Variants in RBM4 observed in about 807,000 individuals in gnomAD.
RBM4 encodes the protein RNA-binding protein 4.
A neutral mutation model predicts 29.5 loss-of-function variants in RBM4; 7 were observed. The observed-to-expected ratio is 0.24, with a 90% CI of 0.14 to 0.45. The LOEUF is 0.45. Ranked by LOEUF, RBM4 falls within the 20% of genes least tolerant of loss-of-function variation. The probability of loss-of-function intolerance (pLI) is 1.00; values close to 1 mark genes in which losing one functional copy is unlikely to be tolerated. For synonymous variants in RBM4, 220 were observed against 205.4 expected (o/e 1.07, Z -0.61); for missense variants, 387 against 502.3 (o/e 0.77, Z 2.19).
chr11:66,660,778 C>T (rs1237299954), intron 2 of RBM4, among the ~76,000 whole-genome samples: 3 of 151,976 alleles, frequency 2.0e-5, no homozygotes, highest in South Asian at 2.1e-4. Context: ...CTCAGCCTCC[C>T]GAGTAGCTGG....
chr11:66,646,637 C>T (rs1175999807), downstream of RBM4, among the ~76,000 whole-genome samples: 1 of 152,116 alleles, frequency 6.6e-6, no homozygotes, highest in Admixed American at 6.6e-5. Context: ...GGAGGTTATA[C>T]AGAAGCCCAG....
At chr11:66,666,151 C>A in exon 3 of RBM4, 3 of 745,192 alleles carry the variant, frequency 4.0e-6, no homozygotes, top group Non-Finnish European at 6.0e-6. Flanking sequence ...CAGTAGTTCC[C>A]CTAATTGACC....
exon 3 of RBM4, chr11:66,666,065 T>G: frequency 6.5e-6 from 7 of 1,077,940 alleles, no homozygotes; most frequent in Non-Finnish European, 9.1e-6. Context: ...GGGTAGGATA[T>G]CAAGGAGCAG....
At chr11:66,651,091 C>T (rs1938818886), downstream of RBM4, among the ~76,000 whole-genome samples, 1 of 152,028 alleles carries the variant, frequency 6.6e-6, no homozygotes, top group South Asian at 2.1e-4. Flanking sequence ...GCTCCTTACC[C>T]TAGAGCTACA....
At chr11:66,665,564 C>G in intron 2 of RBM4, 2 of 1,534,944 alleles carry the variant, frequency 1.3e-6, no homozygotes, top group South Asian at 2.4e-5. Flanking sequence ...AGGGTTCAGT[C>G]CGCAATTATC....
intron 2 of RBM4, among the ~76,000 whole-genome samples, chr11:66,657,821 T>C (rs1028053240): frequency 2.7e-5 from 4 of 146,940 alleles, no homozygotes; most frequent in Non-Finnish European, 4.4e-5. Context: ...CCTCCCGGGC[T>C]CAAGCAATTC....
chr11:66,645,582 C>T (rs1444241240), intron 3 of RBM4, among the ~76,000 whole-genome samples: 1 of 152,076 alleles, frequency 6.6e-6, no homozygotes, highest in Non-Finnish European at 1.5e-5. Context: ...TCTATCTAGA[C>T]TTTGAATGAT....
intron 2 of RBM4, among the ~76,000 whole-genome samples, chr11:66,656,293 C>T (rs763908548): frequency 2.6e-5 from 4 of 152,112 alleles, no homozygotes; most frequent in Non-Finnish European, 4.4e-5. Context: ...CCTGCCACCA[C>T]GCCTGGCTAA....
intron 3 of RBM4, chr11:66,644,395 G>A: frequency 2.0e-6 from 1 of 503,198 alleles, no homozygotes; most frequent in Non-Finnish European, 3.4e-6. Flanking sequence ...GAAAAATAAA[G>A]AATGATGTGC....
At chr11:66,639,526 C>T in intron 1 of RBM4, 174 bp from the exon 2 acceptor site, 1 of 781,240 alleles carries the variant, frequency 1.3e-6, no homozygotes, top group Non-Finnish European at 2.0e-6. Context: ...TTCATGGCGG[C>T]TACTATAGCA....
In RBM4 at chr11:66,643,426, C is replaced by G. The variant is rs529540376; in HGVS notation, c.413-24C>G. Reference sequence around the variant, plus strand: ...GGCTATGACTAAGAGTGATAGCAACCCTTCTTGCGTCTGTTTCTTCAAGGC... The same window carrying G: ...GGCTATGACTAAGAGTGATAGCAACGCTTCTTGCGTCTGTTTCTTCAAGGC... On this transcript the variant is annotated intron_variant, in intron 2 of 3. Coordinates refer to ENST00000310092, the MANE Select transcript of RBM4 (RefSeq NM_002896.4). The surrounding 1 kb of genome is among the most constrained non-coding windows in gnomAD (Gnocchi z 6.1). The G allele has an allele frequency of 3.2e-6, 5 of 1,580,796 alleles. No individual in the cohort carries two copies. In the East Asian group the frequency reaches 1.1e-4, roughly 35 times the overall value.
chr11:66,667,696 AG>A (rs1939288334), exon 3 of RBM4: 1 of 150,582 alleles, frequency 6.6e-6, no homozygotes, highest in Non-Finnish European at 1.5e-5. Context: ...CCCAAGAAGT[AG>A]GTTTTTTTTT....
intron 2 of RBM4, among the ~76,000 whole-genome samples, chr11:66,659,515 G>A (rs1036244030): frequency 6.6e-5 from 10 of 151,796 alleles, no homozygotes; most frequent in Admixed American, 2.0e-4. Context: ...TACCGACCTC[G>A]GGTTCTGCCC....
At chr11:66,649,924 T>TC, downstream of RBM4, 1 of 558,822 alleles carries the variant, frequency 1.8e-6, no homozygotes, top group Non-Finnish European at 3.2e-6. Context: ...CTGATTTTTT[T>TC]CCCCCATAGC....
chr11:66,642,612 C>T (rs903906773), intron 2 of RBM4, among the ~76,000 whole-genome samples: 7 of 152,194 alleles, frequency 4.6e-5, no homozygotes, highest in Admixed American at 4.6e-4. Flanking sequence ...TTAAACTGAG[C>T]AGTTTGGTCC....
At chr11:66,660,351 C>CTTTT (rs56839505) in intron 2 of RBM4, among the ~76,000 whole-genome samples, 6 of 127,568 alleles carry the variant, frequency 4.7e-5, no homozygotes, top group South Asian at 2.5e-4. Context: ...GGGAGTCTCT[C>CTTTT]TTTTTTTTTT....
chr11:66,640,505 A>G (rs1938398712), intron 2 of RBM4: 1 of 406,682 alleles, frequency 2.5e-6, no homozygotes. Context: ...AGAATTCTGC[A>G]TTTTACGTGA....
chr11:66,656,010 G>A (rs965905116), intron 2 of RBM4, among the ~76,000 whole-genome samples: 2 of 151,076 alleles, frequency 1.3e-5, no homozygotes, highest in African/African-American at 2.4e-5. Flanking sequence ...TGCTTTTGTT[G>A]CCCAGGCTGG....
intron 2 of RBM4, among the ~76,000 whole-genome samples, chr11:66,642,095 T>C (rs1938492203): frequency 6.6e-6 from 1 of 152,242 alleles, no homozygotes; most frequent in African/African-American, 2.4e-5. Context: ...ATATCTACTC[T>C]CTTTTAATAA....
Sources: gnomAD v4.1 joint callset for allele counts (sites outside exome capture counted in the v4.1 genomes callset) on GRCh38, gnomAD v4.1.1 for gene constraint, Gnocchi (gnomAD v3.1) non-coding constraint, MANE v1.5 for transcripts, NCBI Gene and HGNC (gene_info 2026-07-23, HGNC 2026-07-21) for gene names.